ZNF335: variants seen among roughly 807,000 people sequenced by gnomAD.
ZNF335 encodes zinc finger protein 335.
A neutral mutation model predicts 145.6 loss-of-function variants in ZNF335; 84 were observed. The ratio of observed to expected loss-of-function variants is 0.58; its 90% confidence interval spans 0.48 to 0.69. The LOEUF (loss-of-function observed/expected upper bound fraction) is 0.69, where lower values mean the gene tolerates loss of function less well. ZNF335 is among the 30% of genes least tolerant of loss of function. The pLI is 0.00. For missense variants in ZNF335, 1,865 were observed against 1,809.7 expected, an observed-to-expected ratio of 1.03 and a Z score of -0.55; for synonymous variants, 761 against 717.0, an observed-to-expected ratio of 1.06 and a Z score of -0.98.
At chr20:45,959,131 A>G (rs566671589) in intron 15 of ZNF335, 70 bp downstream of exon 15, 33 of 1,209,622 alleles carry the variant, frequency 2.7e-5, no homozygotes, top group African/African-American at 2.0e-4. Context: ...TTGCATCTCA[A>G]TGTGCAAATG....
intron 20 of ZNF335, 85 bp downstream of exon 20, chr20:45,952,062 T>C: frequency 6.7e-7 from 1 of 1,493,832 alleles, no homozygotes; most frequent in Non-Finnish European, 8.9e-7. Context: ...AGGATCTGGC[T>C]TGAAAGGGCA....
At chr20:45,966,858 C>CTT (rs77856259) in intron 6 of ZNF335, 17 of 130,638 alleles carry the variant, frequency 1.3e-4, no homozygotes, top group South Asian at 2.5e-4. Context: ...CGGCATTTCT[C>CTT]TTTTTTTTTT....
chr20:45,957,771 ACCTGCC>A, intron 16 of ZNF335, 58 bp downstream of exon 16: 1 of 1,603,922 alleles, frequency 6.2e-7, no homozygotes, highest in Non-Finnish European at 8.5e-7. Flanking sequence ...CACCAGCACG[ACCTGCC>A]CCTGCCCAAC....
At chr20:45,954,293 G>A (rs1343617341) in intron 17 of ZNF335, among the ~76,000 whole-genome samples, 2 of 152,078 alleles carry the variant, frequency 1.3e-5, no homozygotes, top group Admixed American at 6.5e-5. Flanking sequence ...TAATGCACAG[G>A]ACCGCCCCAC....
chr20:45,967,489 C>G lies in ZNF335; in HGVS notation c.955+5G>C. On this transcript the variant is annotated splice_donor_5th_base_variant and intron_variant, in intron 6 of 27. Transcript: ENST00000322927. Reference sequence around the variant, plus strand: ...ATGGCAGGCCTAGAAACCATGGTGGCCTACCCTCCAGGTCATCAATGGCTC... The same window carrying G: ...ATGGCAGGCCTAGAAACCATGGTGGGCTACCCTCCAGGTCATCAATGGCTC... 6.2e-7 allele frequency: 1 copy of G among 1,614,066 alleles called. No homozygotes were observed. The highest frequency in any genetic ancestry group is 8.5e-7 in the Non-Finnish European group (1 of 1,180,014).
chr20:45,964,361 G>T, intron 7 of ZNF335: 1 of 192,166 alleles, frequency 5.2e-6, no homozygotes. Flanking sequence ...CCAGAATGGC[G>T]GCTTTGGTGA....
In ZNF335 at chr20:45,971,413, G is replaced by C. The variant is rs778716468; in HGVS notation, c.-3C>G. 6.3e-7 allele frequency: 1 copy of C among 1,599,688 alleles called. No homozygotes were observed. Among genetic ancestry groups the C allele is most frequent in the South Asian group, 1.1e-5 (1 of 91,018 alleles). ...CTCTCCACCTCGTTCTCCTCCATCTGATCGGCGGGCTGCCTGACAGCGGGG... is the reference window on the plus strand; with the variant it reads ...CTCTCCACCTCGTTCTCCTCCATCTCATCGGCGGGCTGCCTGACAGCGGGG... On this transcript the variant is annotated 5_prime_UTR_variant, in exon 2 of 28. The change creates a new upstream start codon in the 5' untranslated region. Coordinates refer to ENST00000322927, the MANE Select transcript of ZNF335 (RefSeq NM_022095.4).
chr20:45,950,530 C>T lies in ZNF335; in HGVS notation c.3255G>A (p.Lys1085=), dbSNP rs774502573. The T allele has an allele frequency of 7.4e-6, 12 of 1,614,090 alleles. No homozygotes were observed. The highest frequency in any genetic ancestry group is 1.0e-5 in the Non-Finnish European group (12 of 1,180,054). The change falls in exon 21 of 28, where the codon AAG becomes AAA. Residue 1085 remains lysine, a synonymous_variant. Transcript: ENST00000322927. ...HQCSQCSFAS[K]NKKDLRRHML... ...TGTGCCGACGCAGGTCCTTCTTGTT[C>T]TTGGAGGCAAAGCTGCACTGGCTAC...
rs2083573038 is a variant in ZNF335, at chr20:45,948,861, G to A, written c.*92C>T. The stretch of plus-strand genomic sequence containing the variant: ...GGATGCTGGCTATCCAGTATCTGGA[G>A]ATCCTAAATGAAGAGGGAGGTGAGT... On this transcript the variant is annotated 3_prime_UTR_variant, in exon 28 of 28. Coordinates refer to ENST00000322927, the MANE Select transcript of ZNF335 (RefSeq NM_022095.4). The A allele has an allele frequency of 1.9e-6, 3 of 1,582,146 alleles. No individual in the cohort carries two copies. Among genetic ancestry groups the A allele is most frequent in the South Asian group, 2.2e-5 (2 of 89,440 alleles).
chr20:45,950,663 T>C, intron 20 of ZNF335, 68 bp from the exon 21 acceptor site: 1 of 1,586,492 alleles, frequency 6.3e-7, no homozygotes, highest in Non-Finnish European at 8.6e-7. Flanking sequence ...CCCGGATCCC[T>C]GCTGACAGCT....
Position 45,950,494 on chromosome 20 carries a change from G to A in ZNF335, c.3291C>T (p.His1097=). The change falls in exon 21 of 28, where the codon CAC becomes CAT. Residue 1097 remains histidine, a synonymous_variant. Transcript: ENST00000322927. The part of the protein sequence containing the change: ...KKDLRRHMLT[H]TKEKPFACHL... ...GGCATGCAAAAGGCTTCTCCTTTGT[G>A]TGAGTCAGCATGTGCCGACGCAGGT... The A allele has an allele frequency of 6.2e-7, 1 of 1,614,220 alleles. No homozygotes were observed. The highest frequency in any genetic ancestry group is 8.5e-7 in the Non-Finnish European group (1 of 1,180,032).
rs2084061421 is a variant in ZNF335, at chr20:45,971,277, G to C, written c.134C>G (p.Ala45Gly). ...GTCATCGGCCTCTGCCTGCCCCGGG[G>C]CGGCCGCGGCGTCGCTGCTGTCGGC... The part of the protein sequence containing the change: ...VSADSSDAAA[A>G]PGQAEADDSG... The change falls in exon 2 of 28, where the codon GCC (alanine) becomes GGC (glycine). Residue 45 changes from alanine (A) to glycine (G), a missense_variant. Physicochemically the swap from Ala to Gly is moderately conservative, Grantham distance 60 (BLOSUM62 0). Transcript: ENST00000322927. 1 of 1,573,634 alleles carries C rather than the reference G, an allele frequency of 6.4e-7. No individual in the cohort carries two copies. Among genetic ancestry groups the C allele is most frequent in the Non-Finnish European group, 8.6e-7 (1 of 1,165,902 alleles).
At chr20:45,952,792 T>G in intron 18 of ZNF335, 83 bp from the exon 19 acceptor site, 1 of 1,284,804 alleles carries the variant, frequency 7.8e-7, no homozygotes, top group South Asian at 1.3e-5. Context: ...AACTGAGGAG[T>G]GACTGTCACC....
intron 15 of ZNF335, among the ~76,000 whole-genome samples, chr20:45,958,620 C>T (rs906338870): frequency 5.9e-5 from 9 of 152,224 alleles, no homozygotes; most frequent in Non-Finnish European, 8.8e-5. Context: ...CTCTGATTTT[C>T]ACCAGGGTGG....
Position 45,967,404 on chromosome 20 carries a change from A to G in ZNF335, c.955+90T>C, listed in dbSNP as rs753988878. 6.9e-6 allele frequency: 11 copies of G among 1,602,236 alleles called. No individual in the cohort carries two copies. In the Admixed American group the frequency reaches 1.5e-4, roughly 22 times the overall value. The stretch of plus-strand genomic sequence containing the variant: ...GGGACCTGTGGATGTGTCTGTGCCA[A>G]TTCCTCTTTACTGGCCCTCCAAGTG... On this transcript the variant is annotated intron_variant, in intron 6 of 27. Transcript: ENST00000322927.
At chr20:45,952,739 G>A (rs777240637) in intron 18 of ZNF335, 30 bp from the exon 19 acceptor site, 15 of 1,604,726 alleles carry the variant, frequency 9.3e-6, no homozygotes, top group Non-Finnish European at 1.3e-5. Context: ...TCTAGGAGAA[G>A]ATGGAGGGCC....
At position 45,963,474 on chromosome 20, in the gene ZNF335, T is replaced by C; in HGVS notation, c.1532A>G (p.Lys511Arg). The change falls in exon 9 of 28, where the codon AAG becomes AGG. Residue 511 changes from lysine to arginine, a missense_variant and splice_region_variant. Transcript: ENST00000322927. ...SYRSRRWSSL[K>R]EHMFNHVGSK... ...CCCAAGCCTCTTTGGCTCCCGCACC[T>C]TGAGCGAGGACCAGCGGCGGGAACG... 6.2e-7 allele frequency: 1 copy of C among 1,610,712 alleles called. No homozygotes were observed. Among genetic ancestry groups the C allele is most frequent in the South Asian group, 1.1e-5 (1 of 90,976 alleles).
chr20:45,949,910 C>G lies in ZNF335; in HGVS notation c.3592-33G>C, dbSNP rs201495017. On this transcript the variant is annotated intron_variant, in intron 23 of 27. Coordinates refer to ENST00000322927, the MANE Select transcript of ZNF335 (RefSeq NM_022095.4). Reference sequence around the variant, plus strand: ...GACCAAGACAGCTCTAGCCTCATTTCTCTACCCCAACCCCTGCCTGTCGCT... The same window carrying G: ...GACCAAGACAGCTCTAGCCTCATTTGTCTACCCCAACCCCTGCCTGTCGCT... The G allele has an allele frequency of 4.9e-4, 790 of 1,614,096 alleles. 3 individuals are homozygous for G. The African/African-American group carries it at 8.5e-3, about 17-fold the overall frequency.
Position 45,965,643 on chromosome 20 carries a change from A to C in ZNF335, c.1087T>G (p.Ser363Ala). ...RPRKLPRLEI[S>A]DLPDGVEGEP... ...CAAGCCTCACCATCTGGGAGGTCTG[A>C]GATCTCCAGGCGGGGCAGCTTCCGG... The change falls in exon 7 of 28, where the codon TCA becomes GCA. Residue 363 changes from serine to alanine, a missense_variant. Physicochemically the swap from Ser to Ala is moderately conservative, Grantham distance 99. Transcript: ENST00000322927. 6.3e-7 allele frequency: 1 copy of C among 1,599,756 alleles called. No individual in the cohort carries two copies. Among genetic ancestry groups the C allele is most frequent in the Non-Finnish European group, 8.5e-7 (1 of 1,174,336 alleles).
Sources: allele counts gnomAD v4.1 joint callset (sites outside exome capture counted in the v4.1 genomes callset), GRCh38; gene constraint gnomAD v4.1.1; transcripts MANE v1.5; gene names NCBI Gene and HGNC (gene_info 2026-07-23, HGNC 2026-07-21).